The following ULK4 variants were observed in gnomAD, a reference collection of about 807,000 sequenced individuals.
ULK4 encodes unc-51 like kinase 4, also known as inactive serine/threonine-protein kinase ULK4.
ULK4 carries 133 observed loss-of-function variants against 160.6 expected under a neutral mutation model. The ratio of observed to expected loss-of-function variants is 0.83; its 90% CI spans 0.72 to 0.96. ULK4 has a LOEUF of 0.96. Ranked by LOEUF, ULK4 falls within the 40% of genes least tolerant of loss-of-function variation. The probability of loss-of-function intolerance (pLI) is 0.00; values close to 1 mark genes in which losing one functional copy is unlikely to be tolerated. For synonymous variants in ULK4, 534 were observed against 539.8 expected, an observed-to-expected ratio of 0.99 and a Z score of 0.15; for missense variants, 1,580 against 1,499.5, an observed-to-expected ratio of 1.05 and a Z score of -0.89.
At chr3:41,942,550 G>A (rs1438848674) in intron 2 of ULK4, among the ~76,000 whole-genome samples, 1 of 151,914 alleles carries the variant, frequency 6.6e-6, no homozygotes, top group African/African-American at 2.4e-5. Context: ...GGGCGCGGTG[G>A]CTCACGCCTG....
chr3:41,898,629 A>C (rs1698249155), intron 13 of ULK4, 137 bp from the exon 14 acceptor site: 2 of 567,764 alleles, frequency 3.5e-6, no homozygotes, highest in Non-Finnish European at 3.2e-6. Context: ...AAAAAGAATA[A>C]GAACAATGAC....
intron 35 of ULK4, among the ~76,000 whole-genome samples, chr3:41,315,558 A>C (rs1368579838): frequency 2.0e-5 from 3 of 152,196 alleles, no homozygotes; most frequent in African/African-American, 7.2e-5. Flanking sequence ...TATTCAAGAA[A>C]ATCTACTAAA....
At chr3:41,931,123 C>T (rs1217409018) in intron 5 of ULK4, among the ~76,000 whole-genome samples, 1 of 152,162 alleles carries the variant, frequency 6.6e-6, no homozygotes, top group Non-Finnish European at 1.5e-5. Flanking sequence ...AAATGTGGCA[C>T]ATATACACCA....
At chr3:41,901,460 G>A (rs1373826691) in intron 12 of ULK4, among the ~76,000 whole-genome samples, 7 of 81,532 alleles carry the variant, frequency 8.6e-5, no homozygotes, top group East Asian at 3.4e-4. Context: ...GATTACAGGC[G>A]TGAGCCACCA....
Position 41,905,406 on chromosome 3 carries a change from C to A in ULK4, c.1182+2439G>T, listed in dbSNP as rs1698517298. Among the ~76,000 whole-genome samples the A allele has an allele frequency of 3.9e-5, 6 of 152,116 alleles. 1 individual carries two copies. Among genetic ancestry groups the A allele is most frequent in the Admixed American group, 3.9e-4 (6 of 15,264 alleles). On this transcript the variant is annotated intron_variant, in intron 12 of 36. Transcript: ENST00000301831. ...TCTTAGAAGAAAACATAGGCAGAAA[C>A]TTTTGTGAGCTGGGAGTAGCAATGG...
chr3:41,419,299 G>C (rs1278655946), intron 34 of ULK4, among the ~76,000 whole-genome samples: 1 of 152,118 alleles, frequency 6.6e-6, no homozygotes, highest in Non-Finnish European at 1.5e-5. Context: ...TGTACAAGGA[G>C]AGGCTAGAAA....
chr3:41,709,608 A>G (rs2125834443), intron 25 of ULK4, among the ~76,000 whole-genome samples: 1 of 152,254 alleles, frequency 6.6e-6, no homozygotes, highest in African/African-American at 2.4e-5. Context: ...GATGGTCTCA[A>G]TCTCCTGACC....
chr3:41,694,398 C>T (rs999035636), intron 27 of ULK4, among the ~76,000 whole-genome samples: 4 of 152,054 alleles, frequency 2.6e-5, no homozygotes, highest in African/African-American at 9.7e-5. Context: ...AAGCTATGGA[C>T]CCCAGAGCAG....
intron 2 of ULK4, among the ~76,000 whole-genome samples, chr3:41,954,050 C>T (rs527657691): frequency 5.9e-5 from 9 of 151,782 alleles, no homozygotes; most frequent in Admixed American, 5.2e-4. Flanking sequence ...GGTGTGGTGT[C>T]GGGCACCACT....
At chr3:41,495,388 A>T (rs1446586351) in intron 32 of ULK4, among the ~76,000 whole-genome samples, 5 of 152,092 alleles carry the variant, frequency 3.3e-5, no homozygotes, top group Non-Finnish European at 5.9e-5. Flanking sequence ...TAGAAAGCTG[A>T]AACTGGATCC....
intron 14 of ULK4, 30 bp from the exon 15 acceptor site, chr3:41,897,033 A>G (rs1188250512): frequency 1.0e-5 from 16 of 1,557,652 alleles, no homozygotes; most frequent in South Asian, 2.3e-5. Flanking sequence ...ATAAAAGTAC[A>G]TATGATGAGA....
chr3:41,923,809 TC>T (rs1253665750), intron 5 of ULK4, among the ~76,000 whole-genome samples: 2 of 152,228 alleles, frequency 1.3e-5, no homozygotes, highest in African/African-American at 4.8e-5. Context: ...TTTTCATAAA[TC>T]AGCCCAGATT....
chr3:41,786,581 G>C (rs1226605121), intron 21 of ULK4, among the ~76,000 whole-genome samples: 2 of 136,960 alleles, frequency 1.5e-5, no homozygotes, highest in African/African-American at 2.9e-5. Flanking sequence ...TGGGCAACCA[G>C]AGTGAGATCC....
chr3:41,805,324 C>T (rs565577229), intron 19 of ULK4, among the ~76,000 whole-genome samples: 15 of 152,158 alleles, frequency 9.9e-5, no homozygotes, highest in East Asian at 9.7e-4. Flanking sequence ...GATTTTTGTA[C>T]ATTGATTTTG....
chr3:41,564,120 C>G lies in ULK4; in HGVS notation c.3226+1905G>C, dbSNP rs147084696. Among the ~76,000 whole-genome samples, 1,431 of 152,252 alleles carry G rather than the reference C, an allele frequency of 9.4e-3. 8 individuals are homozygous for G. The highest frequency in any genetic ancestry group is 0.015 in the Non-Finnish European group (1,003 of 68,024). On this transcript the variant is annotated intron_variant, in intron 32 of 36. Coordinates refer to ENST00000301831, the MANE Select transcript of ULK4 (RefSeq NM_017886.4). The stretch of plus-strand genomic sequence containing the variant: ...AATTTTCCTTCTTACAGTCAGGTCC[C>G]TCAGCTGCAGGTCTGTTGGAGTTTG...
chr3:41,320,874 G>A (rs547527848), intron 35 of ULK4, among the ~76,000 whole-genome samples: 25 of 152,226 alleles, frequency 1.6e-4, no homozygotes, highest in African/African-American at 4.3e-4. Flanking sequence ...CCAAGATCGC[G>A]CCACTGCACT....
chr3:41,679,648 A>T (rs980982340), intron 29 of ULK4, among the ~76,000 whole-genome samples: 6 of 152,240 alleles, frequency 3.9e-5, no homozygotes, highest in Admixed American at 2.6e-4. Flanking sequence ...GTAACACAGG[A>T]TCACTGAGTT....
chr3:41,388,639 C>T (rs1029109087), intron 35 of ULK4, among the ~76,000 whole-genome samples: 11 of 152,160 alleles, frequency 7.2e-5, no homozygotes, highest in African/African-American at 2.4e-4. Context: ...GGAATCCTTT[C>T]CCCATTTCTT....
At chr3:41,631,055 C>T (rs895693132) in intron 30 of ULK4, among the ~76,000 whole-genome samples, 3 of 152,114 alleles carry the variant, frequency 2.0e-5, no homozygotes, top group Non-Finnish European at 4.4e-5. Context: ...CAAAAAGAAA[C>T]AGTTTCATAA....
Sources: gnomAD v4.1 joint callset for allele counts (sites outside exome capture counted in the v4.1 genomes callset) on GRCh38, gnomAD v4.1.1 for gene constraint, MANE v1.5 for transcripts, NCBI Gene and HGNC (gene_info 2026-07-23, HGNC 2026-07-21) for gene names.